Variants in VPS41 observed in about 807,000 individuals in gnomAD.
VPS41 encodes VPS41 subunit of HOPS complex.
VPS41 carries 85 observed loss-of-function variants against 130.9 expected under a neutral mutation model. The observed-to-expected ratio is 0.65, with a 90% CI of 0.55 to 0.78. The LOEUF is 0.78. Ranked by LOEUF, VPS41 falls within the 30% of genes least tolerant of loss-of-function variation. VPS41 has a pLI of 0.00. For synonymous variants in VPS41, 335 were observed against 332.9 expected, an observed-to-expected ratio of 1.01 and a Z score of -0.07; for missense variants, 874 against 1,018.7, an observed-to-expected ratio of 0.86 and a Z score of 1.93.
In VPS41 at chr7:38,756,835, T is replaced by C. The variant is rs757608735; in HGVS notation, c.1695+3A>G. The C allele has an allele frequency of 3.9e-6, 6 of 1,536,728 alleles. No individual in the cohort carries two copies. The highest frequency in any genetic ancestry group is 5.3e-6 in the Non-Finnish European group (6 of 1,125,132). ...GACAGTACTAAAATAAAAAGCACAT[T>C]ACCTCTGAATCAAAATCCATTAATA... On this transcript the variant is annotated splice_donor_region_variant and intron_variant, in intron 19 of 28. Coordinates refer to ENST00000310301, the MANE Select transcript of VPS41 (RefSeq NM_014396.4).
At position 38,765,662 on chromosome 7, in the gene VPS41, C is replaced by T. The variant is rs146026287; in HGVS notation, c.1248-1G>A. The T allele has an allele frequency of 3.1e-6, 5 of 1,591,522 alleles. No homozygotes were observed. The African/African-American group carries it at 4.1e-5, about 13-fold the overall frequency. On this transcript the variant is annotated splice_acceptor_variant, in intron 15 of 28. Coordinates refer to ENST00000310301, the MANE Select transcript of VPS41 (RefSeq NM_014396.4). LOFTEE classifies it high-confidence loss of function. ...TTTCCCAAGAATTTTCTGGCATTTG[C>T]TGGCAGTAAAAACATCCCAGGCAGA...
At chr7:38,748,961 A>C (rs1047118665) in intron 22 of VPS41, among the ~76,000 whole-genome samples, 3 of 152,142 alleles carry the variant, frequency 2.0e-5, no homozygotes, top group African/African-American at 7.2e-5. Context: ...GATTAAATAA[A>C]ACAATATACA....
In VPS41 at chr7:38,772,563, C is replaced by T; in HGVS notation, c.1087G>A (p.Asp363Asn). Residue 363 changes from aspartate (D) to asparagine (N), a missense_variant, in exon 13 of 29, where the codon GAT (aspartate) becomes AAT (asparagine). By Grantham distance (23) the Asp-to-Asn change is conservative. Coordinates refer to ENST00000310301, the MANE Select transcript of VPS41 (RefSeq NM_014396.4). The part of the protein sequence containing the change: ...DVVVAKERDQ[D>N]DHIDWLLEKK... ...TCAAGGAGCCAGTCAATGTGATCAT[C>T]TTGGTCTCGTTCCTTGGCCACTACA... is the stretch of plus-strand genomic sequence containing the variant. The T allele has an allele frequency of 6.2e-7, 1 of 1,613,584 alleles. No homozygotes were observed. Among genetic ancestry groups the T allele is most frequent in the Admixed American group, 1.7e-5 (1 of 60,000 alleles).
chr7:38,882,295 G>C (rs117670878), intron 2 of VPS41, among the ~76,000 whole-genome samples: 1 of 152,068 alleles, frequency 6.6e-6, no homozygotes, highest in African/African-American at 2.4e-5. Flanking sequence ...TGGTTTCTGG[G>C]GCACCACTCT....
intron 7 of VPS41, among the ~76,000 whole-genome samples, chr7:38,800,551 A>G (rs1784705332): frequency 6.6e-6 from 1 of 152,186 alleles, no homozygotes; most frequent in African/African-American, 2.4e-5. Context: ...AATTCACTGG[A>G]GATTGGGTGC....
intron 1 of VPS41, among the ~76,000 whole-genome samples, chr7:38,899,777 A>T (rs934471473): frequency 2.0e-5 from 3 of 152,236 alleles, no homozygotes; most frequent in African/African-American, 7.2e-5. Context: ...TAACTATGCC[A>T]ATAAACCACA....
chr7:38,793,546 A>T (rs1784571417), intron 9 of VPS41, among the ~76,000 whole-genome samples: 1 of 152,216 alleles, frequency 6.6e-6, no homozygotes, highest in Non-Finnish European at 1.5e-5. Context: ...GGGCATAAAG[A>T]AAGGGTATAT....
chr7:38,788,117 A>G (rs1191492396), intron 10 of VPS41, among the ~76,000 whole-genome samples: 1 of 152,176 alleles, frequency 6.6e-6, no homozygotes, highest in Non-Finnish European at 1.5e-5. Context: ...GTACCATGTT[A>G]GGCACATTTC....
At chr7:38,882,866 C>A (rs976931836) in intron 2 of VPS41, among the ~76,000 whole-genome samples, 2 of 152,194 alleles carry the variant, frequency 1.3e-5, no homozygotes, top group Non-Finnish European at 2.9e-5. Context: ...CCTACTTATC[C>A]TCCTTAGACA....
chr7:38,878,531 G>C (rs1403665605), intron 2 of VPS41, among the ~76,000 whole-genome samples: 1 of 152,058 alleles, frequency 6.6e-6, no homozygotes, highest in Non-Finnish European at 1.5e-5. Context: ...ATCTCATGTA[G>C]AAATTTAAAT....
chr7:38,728,812 G>C, intron 25 of VPS41, 21 bp from the exon 26 acceptor site: 2 of 1,610,180 alleles, frequency 1.2e-6, no homozygotes, highest in Non-Finnish European at 1.7e-6. Context: ...CATTTTAAAA[G>C]AAAAGCCATC....
At chr7:38,766,732 C>T (rs748066171) in intron 15 of VPS41, among the ~76,000 whole-genome samples, 22 of 152,248 alleles carry the variant, frequency 1.4e-4, no homozygotes, top group Middle Eastern at 3.4e-3. Context: ...TTCTCACGAG[C>T]TCTGATGGTA....
chr7:38,746,123 C>A (rs1396856295), intron 22 of VPS41: 1 of 152,700 alleles, frequency 6.5e-6, no homozygotes, highest in Non-Finnish European at 1.5e-5. Flanking sequence ...AATATTTGTA[C>A]TGCCAGATCA....
At chr7:38,869,028 T>C (rs371761932) in intron 3 of VPS41, 118 bp downstream of exon 3, 3 of 716,514 alleles carry the variant, frequency 4.2e-6, no homozygotes, top group Middle Eastern at 2.6e-4. Flanking sequence ...AAGAGAGCAG[T>C]GGCAAGGAGA....
intron 10 of VPS41, among the ~76,000 whole-genome samples, chr7:38,787,762 T>G (rs1784465926): frequency 6.6e-6 from 1 of 152,182 alleles, no homozygotes; most frequent in Non-Finnish European, 1.5e-5. Context: ...CCTCCTAATA[T>G]TTCCCTTTCT....
In VPS41 at chr7:38,869,263, C is replaced by T. The variant is rs565728148; in HGVS notation, c.61-10G>A. 6.5e-5 allele frequency: 103 copies of T among 1,592,952 alleles called. No individual in the cohort carries two copies. Among genetic ancestry groups the T allele is most frequent in the Non-Finnish European group, 8.2e-5 (96 of 1,168,564 alleles). On this transcript the variant is annotated splice_polypyrimidine_tract_variant and intron_variant, in intron 2 of 28. Coordinates refer to ENST00000310301, the MANE Select transcript of VPS41 (RefSeq NM_014396.4). ...CTTCGCTCTCTTCTTCCTGCACAAA[C>T]GGCAAAGAAAAATGACACCCGTCAG...
chr7:38,807,399 A>C (rs1240103707), intron 7 of VPS41, among the ~76,000 whole-genome samples: 4 of 152,180 alleles, frequency 2.6e-5, no homozygotes, highest in African/African-American at 4.8e-5. Flanking sequence ...GAAAACAAAC[A>C]AACCATACAG....
intron 25 of VPS41, among the ~76,000 whole-genome samples, chr7:38,740,965 C>G (rs558466088): frequency 6.6e-6 from 1 of 152,304 alleles, no homozygotes; most frequent in African/African-American, 2.4e-5. Context: ...ACATCACACT[C>G]TCTGGCACAA....
At chr7:38,899,003 G>GA (rs1230879901) in intron 1 of VPS41, among the ~76,000 whole-genome samples, 2 of 152,028 alleles carry the variant, frequency 1.3e-5, no homozygotes, top group African/African-American at 2.4e-5. Flanking sequence ...ACATTTTCAA[G>GA]AAAAAAATGA....
Sources: gnomAD v4.1 joint callset for allele counts (sites outside exome capture counted in the v4.1 genomes callset) on GRCh38, gnomAD v4.1.1 for gene constraint, MANE v1.5 for transcripts, NCBI Gene and HGNC (gene_info 2026-07-23, HGNC 2026-07-21) for gene names.